GPHN: variants seen among roughly 807,000 people sequenced by gnomAD.
The protein encoded by GPHN is gephyrin.
GPHN carries 17 observed loss-of-function variants against 95.5 expected under a neutral mutation model. The ratio of observed to expected loss-of-function variants is 0.18; its 90% CI spans 0.12 to 0.27. GPHN has a LOEUF of 0.27. Ranked by LOEUF, GPHN falls within the 10% of genes least tolerant of loss-of-function variation. The probability of loss-of-function intolerance (pLI) is 1.00; values close to 1 mark genes in which losing one functional copy is unlikely to be tolerated. For synonymous variants in GPHN, 320 were observed against 322.5 expected, an observed-to-expected ratio of 0.99 and a Z score of 0.08; for missense variants, 660 against 978.1, an observed-to-expected ratio of 0.67 and a Z score of 4.34.
chr14:66,787,028 C>T (rs2059801668), intron 3 of GPHN, among the ~76,000 whole-genome samples: 1 of 152,008 alleles, frequency 6.6e-6, no homozygotes, highest in Non-Finnish European at 1.5e-5. Context: ...CACAGTAACG[C>T]AAGAATATGT....
At chr14:66,992,268 A>G (rs1426597829) in intron 9 of GPHN, among the ~76,000 whole-genome samples, 1 of 152,202 alleles carries the variant, frequency 6.6e-6, no homozygotes, top group Non-Finnish European at 1.5e-5. Context: ...GATTACTGGC[A>G]TATAAGTGAA....
chr14:66,775,571 A>G (rs2059351657), intron 2 of GPHN, among the ~76,000 whole-genome samples: 1 of 152,200 alleles, frequency 6.6e-6, no homozygotes, highest in African/African-American at 2.4e-5. Context: ...TAAGTATTCA[A>G]AATCTGGTGT....
At chr14:66,658,165 A>G (rs1204679440) in intron 1 of GPHN, among the ~76,000 whole-genome samples, 1 of 152,174 alleles carries the variant, frequency 6.6e-6, no homozygotes, top group African/African-American at 2.4e-5. Flanking sequence ...GATGTGGTAA[A>G]AATAGCAAGA....
the GPHN span, chr14:67,573,360 G>A: frequency 6.2e-7 from 1 of 1,612,062 alleles, no homozygotes; most frequent in East Asian, 2.2e-5. This position sits in a 1 kb window ranked among gnomAD's most constrained non-coding sequence, Gnocchi z 4.8. Context: ...CCTGAGACAG[G>A]GACAGATTAT....
At chr14:66,620,124 TG>T (rs1408816977) in intron 1 of GPHN, among the ~76,000 whole-genome samples, 1 of 152,106 alleles carries the variant, frequency 6.6e-6, no homozygotes, top group Non-Finnish European at 1.5e-5. Context: ...GGTTCTCGGT[TG>T]TTGTTCACAC....
chr14:67,162,451 A>G (rs1431547949), intron 19 of GPHN, among the ~76,000 whole-genome samples: 4 of 152,244 alleles, frequency 2.6e-5, no homozygotes, highest in African/African-American at 9.6e-5. Context: ...CACAAATACA[A>G]TCTGGCTTTG....
At chr14:67,220,990 C>G in the GPHN span, among the ~76,000 whole-genome samples, 3 of 152,204 alleles carry the variant, frequency 2.0e-5, no homozygotes, top group African/African-American at 7.2e-5. Flanking sequence ...TTATTCAATA[C>G]TTCCAAAATA....
intron 1 of GPHN, among the ~76,000 whole-genome samples, chr14:66,516,206 C>G (rs902700122): frequency 1.3e-5 from 2 of 148,682 alleles, no homozygotes; most frequent in African/African-American, 2.5e-5. Context: ...TTAGTAGAGA[C>G]AGAGTTTTAC....
At chr14:67,618,911 A>C in the GPHN span, among the ~76,000 whole-genome samples, 1 of 152,206 alleles carries the variant, frequency 6.6e-6, no homozygotes, top group East Asian at 1.9e-4. Flanking sequence ...TGTTTTGGAG[A>C]GCAGTGTGTA....
At chr14:66,895,766 A>G (rs2064810891) in intron 5 of GPHN, among the ~76,000 whole-genome samples, 1 of 152,178 alleles carries the variant, frequency 6.6e-6, no homozygotes, top group South Asian at 2.1e-4. Context: ...AATTTTAAAG[A>G]TATACTCTGG....
At chr14:67,254,226 G>A in the GPHN span, 8 of 136,448 alleles carry the variant, frequency 5.9e-5, no homozygotes, top group Admixed American at 2.3e-4. Context: ...TTAAGGATAC[G>A]GACTCTGCCT....
the GPHN span, chr14:67,692,772 C>A: frequency 1.2e-6 from 1 of 859,212 alleles, no homozygotes. Flanking sequence ...ATTAAGGGTC[C>A]ATTATATGTA....
intron 18 of GPHN, among the ~76,000 whole-genome samples, chr14:67,156,081 A>G (rs547335295): frequency 6.6e-5 from 10 of 152,322 alleles, no homozygotes; most frequent in African/African-American, 2.4e-4. Context: ...GACCTAGACT[A>G]AATAGAGTTT....
intron 1 of GPHN, among the ~76,000 whole-genome samples, chr14:66,510,928 A>G (rs977926788): frequency 6.6e-6 from 1 of 152,174 alleles, no homozygotes; most frequent in African/African-American, 2.4e-5. Context: ...TAGGGGGAAA[A>G]GTCTAGGGCC....
At chr14:66,831,130 T>C (rs558539107) in intron 4 of GPHN, among the ~76,000 whole-genome samples, 2 of 152,204 alleles carry the variant, frequency 1.3e-5, no homozygotes, top group Non-Finnish European at 2.9e-5. Context: ...AATTTACATT[T>C]AATAACTCAC....
intron 3 of GPHN, among the ~76,000 whole-genome samples, chr14:66,781,744 C>T (rs75953837): frequency 0.012 from 1,873 of 152,180 alleles, 18 homozygotes; most frequent in Non-Finnish European, 0.018. Context: ...GTAAAATACA[C>T]CACTGTACCA....
chr14:66,649,673 C>G (rs2064942711), intron 1 of GPHN, among the ~76,000 whole-genome samples: 1 of 152,158 alleles, frequency 6.6e-6, no homozygotes, highest in Non-Finnish European at 1.5e-5. Flanking sequence ...GGAACAGCTG[C>G]AAATACAGAT....
At chr14:66,602,242 C>A (rs994445903) in intron 1 of GPHN, among the ~76,000 whole-genome samples, 7 of 151,862 alleles carry the variant, frequency 4.6e-5, no homozygotes, top group Non-Finnish European at 8.8e-5. Context: ...GTTTTATTTT[C>A]AGTGCAACAC....
intron 1 of GPHN, among the ~76,000 whole-genome samples, chr14:66,548,576 C>T (rs1448893228): frequency 6.6e-6 from 1 of 152,160 alleles, no homozygotes; most frequent in Non-Finnish European, 1.5e-5. Context: ...CGAGCAGTTT[C>T]CCCATCTCTC....
Sources: gnomAD v4.1 joint callset for allele counts (sites outside exome capture counted in the v4.1 genomes callset) on GRCh38, gnomAD v4.1.1 for gene constraint, Gnocchi (gnomAD v3.1) non-coding constraint, MANE v1.5 for transcripts, NCBI Gene and HGNC (gene_info 2026-07-23, HGNC 2026-07-21) for gene names.